Variants in FIP1L1 observed in about 807,000 individuals in gnomAD.
FIP1L1 encodes the protein pre-mRNA 3'-end-processing factor FIP1.
Under a neutral mutation model 84.6 loss-of-function variants are expected in FIP1L1, and 21 were observed. That is an observed-to-expected ratio of 0.25 (90% CI 0.18 to 0.36). The LOEUF is 0.36. FIP1L1 is among the 10% of genes least tolerant of loss of function. The pLI is 1.00. For synonymous variants in FIP1L1, 263 were observed against 242.3 expected (o/e 1.09, Z -0.80); for missense variants, 526 against 751.1 (o/e 0.70, Z 3.50).
At chr4:53,404,200 C>G (rs1485846501) in intron 10 of FIP1L1, among the ~76,000 whole-genome samples, 4 of 131,836 alleles carry the variant, frequency 3.0e-5, no homozygotes, top group African/African-American at 8.6e-5. Context: ...GTGATGTTCC[C>G]CTTCCTGTGT....
At chr4:53,412,747 A>G (rs1413661641) in intron 10 of FIP1L1, among the ~76,000 whole-genome samples, 1 of 152,044 alleles carries the variant, frequency 6.6e-6, no homozygotes, top group Non-Finnish European at 1.5e-5. Context: ...CTGCACTGCA[A>G]AGTTGCTATT....
At chr4:53,450,198 G>A (rs1775817543) in intron 15 of FIP1L1, among the ~76,000 whole-genome samples, 1 of 151,774 alleles carries the variant, frequency 6.6e-6, no homozygotes, top group Admixed American at 6.6e-5. Context: ...ATTTTCTTCT[G>A]GAACAACTTG....
At chr4:53,458,613 T>C (rs1178882806) in intron 16 of FIP1L1, 40 bp from the exon 17 acceptor site, 1 of 1,592,238 alleles carries the variant, frequency 6.3e-7, no homozygotes, top group Non-Finnish European at 8.6e-7. Context: ...TCAGAATTAA[T>C]GGTCCAGTTG....
At position 53,452,907 on chromosome 4, in the gene FIP1L1, G is replaced by GT. The variant is rs1716936805; in HGVS notation, c.1286-7dup. 3 of 1,610,202 alleles carry GT rather than the reference G, an allele frequency of 1.9e-6. No individual in the cohort carries two copies. The highest frequency in any genetic ancestry group is 1.3e-5 in the African/African-American group (1 of 74,814). On this transcript the variant is annotated splice_polypyrimidine_tract_variant and intron_variant, in intron 15 of 17. Coordinates refer to ENST00000337488, the MANE Select transcript of FIP1L1 (RefSeq NM_030917.4). Reference sequence around the variant, plus strand: ...TACCATAACGTTTGTTTTTAATCGTGTTTTTTCTTTAGTTGCCTTTCCCCA... The same window carrying GT: ...TACCATAACGTTTGTTTTTAATCGTGTTTTTTTCTTTAGTTGCCTTTCCCCA...
At chr4:53,403,150 T>C (rs1274735698) in intron 10 of FIP1L1, among the ~76,000 whole-genome samples, 4 of 152,158 alleles carry the variant, frequency 2.6e-5, no homozygotes, top group Admixed American at 2.6e-4. Flanking sequence ...GAGTGAAGTG[T>C]GGGGTCAAGA....
intron 11 of FIP1L1, among the ~76,000 whole-genome samples, chr4:53,424,312 G>T (rs1341265439): frequency 6.6e-6 from 1 of 152,058 alleles, no homozygotes; most frequent in African/African-American, 2.4e-5. Context: ...GTCATGGTAG[G>T]CATAGCTTTG....
chr4:53,421,072 AT>A (rs1228352033), intron 11 of FIP1L1, among the ~76,000 whole-genome samples: 2 of 152,124 alleles, frequency 1.3e-5, no homozygotes, highest in Non-Finnish European at 2.9e-5. Flanking sequence ...GTGCATCAGG[AT>A]TTTGATATGC....
chr4:53,428,645 G>A (rs1765293106), intron 13 of FIP1L1, among the ~76,000 whole-genome samples: 1 of 152,032 alleles, frequency 6.6e-6, no homozygotes, highest in African/African-American at 2.4e-5. Context: ...CTGGGTGCCT[G>A]GTATTTATTT....
chr4:53,429,904 T>C (rs142731106), intron 13 of FIP1L1, among the ~76,000 whole-genome samples: 1 of 152,282 alleles, frequency 6.6e-6, no homozygotes, highest in Non-Finnish European at 1.5e-5. Context: ...TTTTTCTCAT[T>C]TTACTGAAAC....
chr4:53,406,702 A>G (rs922278085), intron 10 of FIP1L1, among the ~76,000 whole-genome samples: 6 of 152,152 alleles, frequency 3.9e-5, no homozygotes, highest in African/African-American at 1.4e-4. Flanking sequence ...TTATTGGTCT[A>G]TTCAGGGATT....
Position 53,452,791 on chromosome 4 carries a change from C to T in FIP1L1, c.1286-129C>T, listed in dbSNP as rs865963893. On this transcript the variant is annotated intron_variant, in intron 15 of 17. Transcript: ENST00000337488. The stretch of plus-strand genomic sequence containing the variant: ...CTTCCCGATACTGTGGGTATTCATT[C>T]ACCATGTGATATTTCTCTTTTCTAT... The T allele has an allele frequency of 8.0e-5, 53 of 664,524 alleles. 1 individual carries two copies. In the African/African-American group the frequency reaches 8.7e-4, roughly 11 times the overall value. The allele number at this position is 664,524 out of a possible 1,614,324, so 41.2% of individuals were successfully genotyped here.
intron 10 of FIP1L1, among the ~76,000 whole-genome samples, chr4:53,400,484 A>G (rs1311817425): frequency 6.6e-6 from 1 of 152,200 alleles, no homozygotes; most frequent in Non-Finnish European, 1.5e-5. Context: ...TTAATCTTGG[A>G]CTAGATAAGA....
intron 10 of FIP1L1, among the ~76,000 whole-genome samples, chr4:53,409,549 G>A (rs1293019148): frequency 6.6e-6 from 1 of 152,228 alleles, no homozygotes; most frequent in African/African-American, 2.4e-5. Context: ...ATTTAAGTCT[G>A]CAGAGATTAC....
chr4:53,377,646 T>C lies in FIP1L1; in HGVS notation c.-193T>C. On this transcript the variant is annotated 5_prime_UTR_variant, in exon 1 of 18. It removes an upstream start codon present in the reference 5' UTR. Coordinates refer to ENST00000337488, the MANE Select transcript of FIP1L1 (RefSeq NM_030917.4). ...CCGCGCCGCTTGGGTCTCCTGCGCA[T>C]GCGCAGACGGACCTGCGCTGGAGGC... The C allele has an allele frequency of 2.0e-6, 1 of 488,830 alleles. No individual in the cohort carries two copies. Among genetic ancestry groups the C allele is most frequent in the Non-Finnish European group, 3.5e-6 (1 of 284,398 alleles). 30.3% of individuals were successfully genotyped at this position (488,830 alleles called of 1,614,324 possible).
chr4:53,381,733 A>G (rs1737979651), intron 3 of FIP1L1, among the ~76,000 whole-genome samples: 1 of 135,840 alleles, frequency 7.4e-6, no homozygotes, highest in Non-Finnish European at 1.6e-5. Context: ...TCATTAATAA[A>G]CTGTGAAGGC....
At position 53,460,457 on chromosome 4, in the gene FIP1L1, A is replaced by AACTT; in HGVS notation, c.*1009_*1012dup. On this transcript the variant is annotated 3_prime_UTR_variant, in exon 18 of 18. Coordinates refer to ENST00000337488, the MANE Select transcript of FIP1L1 (RefSeq NM_030917.4). ...GTATCACATACTAAAAGACAACTAT[A>AACTT]ACTTCTGAAAAATATTTATTCTTGT... is the stretch of plus-strand genomic sequence containing the variant. The AACTT allele has an allele frequency of 5.2e-6, 1 of 192,866 alleles. No individual in the cohort carries two copies. Among genetic ancestry groups the AACTT allele is most frequent in the Admixed American group, 6.1e-5 (1 of 16,328 alleles). 11.9% of individuals were successfully genotyped at this position (192,866 alleles called of 1,614,324 possible). A position where few individuals can be genotyped will look rare whatever the true frequency, so the allele number is the denominator to read the frequency against.
chr4:53,398,061 A>T (rs1388042482), intron 9 of FIP1L1, among the ~76,000 whole-genome samples: 1 of 151,838 alleles, frequency 6.6e-6, no homozygotes, highest in Non-Finnish European at 1.5e-5. Context: ...TATCCTTTAG[A>T]TTTTTTTCAT....
At chr4:53,412,356 T>TG (rs1189967224) in intron 10 of FIP1L1, among the ~76,000 whole-genome samples, 3 of 152,174 alleles carry the variant, frequency 2.0e-5, no homozygotes, top group Non-Finnish European at 4.4e-5. Flanking sequence ...CTGTAAATTT[T>TG]GCAAATTATC....
At chr4:53,407,009 T>C (rs1376544009) in intron 10 of FIP1L1, among the ~76,000 whole-genome samples, 9 of 152,248 alleles carry the variant, frequency 5.9e-5, no homozygotes, top group Non-Finnish European at 1.3e-4. Context: ...CTCTATTTTC[T>C]TCAGTTCTGC....
Sources: allele counts gnomAD v4.1 joint callset (sites outside exome capture counted in the v4.1 genomes callset), GRCh38; gene constraint gnomAD v4.1.1; transcripts MANE v1.5; gene names NCBI Gene and HGNC (gene_info 2026-07-23, HGNC 2026-07-21).